RBFOX1: variants seen among roughly 807,000 people sequenced by gnomAD.
RBFOX1 encodes RNA binding protein fox-1 homolog 1.
In RBFOX1, 8 loss-of-function variants were observed where a neutral mutation model predicts 57.7. That is an observed-to-expected ratio of 0.14 (90% confidence interval 0.08 to 0.25). The LOEUF is 0.25. Among genes scored for constraint, RBFOX1 ranks in the 10% least tolerant of loss-of-function variants. RBFOX1 has a pLI of 1.00. For missense variants in RBFOX1, 611 were observed against 548.5 expected, an observed-to-expected ratio of 1.11 and a Z score of -1.14; for synonymous variants, 326 against 222.4, an observed-to-expected ratio of 1.47 and a Z score of -4.15.
chr16:7,340,320 G>C (rs1194077165), intron 4 of RBFOX1, among the ~76,000 whole-genome samples: 1 of 152,178 alleles, frequency 6.6e-6, no homozygotes, highest in East Asian at 1.9e-4. Context: ...GCAAGTGGTG[G>C]GTTTCAGATC....
At chr16:6,980,452 C>T (rs746775487) in intron 3 of RBFOX1, among the ~76,000 whole-genome samples, 7 of 152,116 alleles carry the variant, frequency 4.6e-5, no homozygotes, top group South Asian at 2.1e-4. Context: ...AAGCAAAAAA[C>T]TTGTCTTCTT....
intron 4 of RBFOX1, among the ~76,000 whole-genome samples, chr16:7,325,796 A>G (rs2096603888): frequency 6.6e-6 from 1 of 152,246 alleles, no homozygotes; most frequent in South Asian, 2.1e-4. Flanking sequence ...CCTCTCCTTC[A>G]CTGGGAATTC....
At chr16:5,847,593 T>A (rs1254653878) in intron 3 of RBFOX1, among the ~76,000 whole-genome samples, 2 of 152,214 alleles carry the variant, frequency 1.3e-5, no homozygotes, top group African/African-American at 2.4e-5. Context: ...AACATGGTTA[T>A]GAATTGAACA....
chr16:5,410,795 T>G (rs1441969965), intron 1 of RBFOX1, among the ~76,000 whole-genome samples: 2 of 152,232 alleles, frequency 1.3e-5, no homozygotes. Context: ...TTAAAATTCT[T>G]TCCACTGTTC....
At chr16:7,179,345 C>G (rs2082255618) in intron 4 of RBFOX1, among the ~76,000 whole-genome samples, 1 of 152,106 alleles carries the variant, frequency 6.6e-6, no homozygotes, top group African/African-American at 2.4e-5. Context: ...CCCCTTACCC[C>G]TTACCTAAGA....
At chr16:7,044,285 C>T (rs1177718671) in intron 3 of RBFOX1, among the ~76,000 whole-genome samples, 1 of 152,106 alleles carries the variant, frequency 6.6e-6, no homozygotes, top group South Asian at 2.1e-4. Flanking sequence ...GGAAAGCCAC[C>T]TAAGGCTCAG....
chr16:6,113,142 A>G (rs2096463626), intron 1 of RBFOX1, among the ~76,000 whole-genome samples: 1 of 152,178 alleles, frequency 6.6e-6, no homozygotes, highest in African/African-American at 2.4e-5. Flanking sequence ...AGACTCCAAG[A>G]TGCAAGTTGA....
intron 1 of RBFOX1, among the ~76,000 whole-genome samples, chr16:6,056,497 T>C (rs1374110547): frequency 1.3e-5 from 2 of 152,236 alleles, no homozygotes; most frequent in Non-Finnish European, 2.9e-5. Context: ...GTCACATTCA[T>C]ATATCTCAAG....
intron 3 of RBFOX1, among the ~76,000 whole-genome samples, chr16:6,945,159 TG>T (rs1189831724): frequency 6.6e-6 from 1 of 151,916 alleles, no homozygotes; most frequent in South Asian, 2.1e-4. Context: ...GATGAGAGTA[TG>T]GGGAAAAAAG....
chr16:6,709,453 C>T (rs973636542), intron 3 of RBFOX1, among the ~76,000 whole-genome samples: 3 of 152,164 alleles, frequency 2.0e-5, no homozygotes, highest in African/African-American at 7.2e-5. Flanking sequence ...TTCATGAGTT[C>T]TTCATACAAT....
At chr16:5,273,224 AT>A (rs748241159) in intron 1 of RBFOX1, among the ~76,000 whole-genome samples, 5,029 of 137,276 alleles carry the variant, frequency 0.037, 91 homozygotes, top group Non-Finnish European at 0.052. Flanking sequence ...ATTGCTTTCA[AT>A]TTTTTTTTTT....
At chr16:6,658,927 G>GTTTTTT (rs1568088702) in intron 3 of RBFOX1, among the ~76,000 whole-genome samples, 1 of 124,888 alleles carries the variant, frequency 8.0e-6, no homozygotes, top group Non-Finnish European at 1.8e-5. Flanking sequence ...TTTGTTTTTT[G>GTTTTTT]GTTTTTTTGT....
intron 4 of RBFOX1, among the ~76,000 whole-genome samples, chr16:7,450,554 C>A (rs1183530232): frequency 6.6e-6 from 1 of 152,016 alleles, no homozygotes; most frequent in Non-Finnish European, 1.5e-5. Flanking sequence ...ATACTATGGC[C>A]CAGGGATGCT....
intron 3 of RBFOX1, among the ~76,000 whole-genome samples, chr16:6,911,920 A>G (rs905586024): frequency 6.6e-6 from 1 of 152,216 alleles, no homozygotes; most frequent in African/African-American, 2.4e-5. Context: ...TAGAAGACAC[A>G]GTGTAAGATT....
At chr16:5,246,769 C>G (rs778900314) in intron 1 of RBFOX1, among the ~76,000 whole-genome samples, 1 of 151,852 alleles carries the variant, frequency 6.6e-6, no homozygotes, top group Non-Finnish European at 1.5e-5. Flanking sequence ...CTCCCAAGCT[C>G]AATCAATCCT....
intron 3 of RBFOX1, among the ~76,000 whole-genome samples, chr16:6,960,918 G>C (rs2082834467): frequency 6.8e-6 from 1 of 148,046 alleles, no homozygotes; most frequent in Non-Finnish European, 1.5e-5. Flanking sequence ...CGGATCACTT[G>C]AGGTCAGGAG....
At chr16:7,631,724 A>C (rs1190748764) in intron 11 of RBFOX1, among the ~76,000 whole-genome samples, 1 of 152,140 alleles carries the variant, frequency 6.6e-6, no homozygotes, top group Non-Finnish European at 1.5e-5. Context: ...TAAGAGACGT[A>C]GGAGAATCCT....
At chr16:6,126,156 A>G (rs372050480) in intron 1 of RBFOX1, among the ~76,000 whole-genome samples, 11 of 152,212 alleles carry the variant, frequency 7.2e-5, no homozygotes, top group African/African-American at 2.4e-4. Context: ...GAGGGATTAA[A>G]TACCCCATTT....
intron 5 of RBFOX1, among the ~76,000 whole-genome samples, chr16:7,540,813 T>C (rs915498479): frequency 2.0e-5 from 3 of 152,330 alleles, no homozygotes; most frequent in East Asian, 3.9e-4. Context: ...GTTTCTGTTT[T>C]GCAGATTTAA....
Sources: gnomAD v4.1 joint callset for allele counts (sites outside exome capture counted in the v4.1 genomes callset) on GRCh38, gnomAD v4.1.1 for gene constraint, MANE v1.5 for transcripts, NCBI Gene and HGNC (gene_info 2026-07-23, HGNC 2026-07-21) for gene names.